The following MAP4K4 variants were observed in gnomAD, a reference collection of about 807,000 sequenced individuals.
The protein encoded by MAP4K4 is HPK/GCK-like kinase HGK.
Under a neutral mutation model 189.6 loss-of-function variants are expected in MAP4K4, and 38 were observed. That is an observed-to-expected ratio of 0.20 (90% CI 0.15 to 0.26). MAP4K4 has a LOEUF of 0.26. MAP4K4 is among the 10% of genes least tolerant of loss of function. The probability of loss-of-function intolerance (pLI) is 1.00; values close to 1 mark genes in which losing one functional copy is unlikely to be tolerated. For missense variants in MAP4K4, 1,054 were observed against 1,726.9 expected (o/e 0.61, Z 6.91); for synonymous variants, 610 against 624.3 (o/e 0.98, Z 0.34).
chr2:101,777,729 TTA>T (rs1215708768), intron 2 of MAP4K4, among the ~76,000 whole-genome samples: 4 of 152,192 alleles, frequency 2.6e-5, no homozygotes, highest in African/African-American at 9.7e-5. Context: ...TTGATTTTGC[TTA>T]TATACCCCTT....
intron 28 of MAP4K4, among the ~76,000 whole-genome samples, chr2:101,884,071 G>A (rs374732053): frequency 6.6e-6 from 1 of 152,126 alleles, no homozygotes; most frequent in Non-Finnish European, 1.5e-5. Context: ...AAGTCTGTTG[G>A]GCTTTTCCCC....
intron 3 of MAP4K4, among the ~76,000 whole-genome samples, chr2:101,800,573 TAGAGA>T (rs753456385): frequency 5.3e-5 from 8 of 152,340 alleles, no homozygotes; most frequent in African/African-American, 1.2e-4. Flanking sequence ...AAAAAAGGAA[TAGAGA>T]AAAGTATCAT....
intron 15 of MAP4K4, chr2:101,860,333 A>G (rs950021964): frequency 2.9e-5 from 6 of 208,788 alleles, no homozygotes; most frequent in Non-Finnish European, 5.9e-5. Flanking sequence ...GGGGTGCAAG[A>G]TGGGCGACAG....
intron 21 of MAP4K4, among the ~76,000 whole-genome samples, chr2:101,869,280 A>G (rs2097911431): frequency 6.6e-6 from 1 of 152,070 alleles, no homozygotes. Context: ...GAGTCTGTGT[A>G]TATACATTTG....
chr2:101,805,788 T>C (rs2094869358), intron 3 of MAP4K4, among the ~76,000 whole-genome samples: 1 of 152,228 alleles, frequency 6.6e-6, no homozygotes, highest in African/African-American at 2.4e-5. Flanking sequence ...GCTATCTTTG[T>C]TGGCTTACAC....
chr2:101,813,321 A>G (rs2095542569), intron 3 of MAP4K4, among the ~76,000 whole-genome samples: 1 of 152,158 alleles, frequency 6.6e-6, no homozygotes, highest in Non-Finnish European at 1.5e-5. Flanking sequence ...CAGTAGTAAT[A>G]TGTATTGTGT....
chr2:101,859,093 G>T lies in MAP4K4; in HGVS notation c.1482+11G>T. On this transcript the variant is annotated intron_variant, in intron 14 of 32. Transcript: ENST00000324219. ...CAGGCCATGTTACTGGTAAAGCCCC[G>T]CCTCTGTTTCATTCTGTAGCATCAG... The T allele has an allele frequency of 1.2e-6, 2 of 1,607,306 alleles. No homozygotes were observed. Among genetic ancestry groups the T allele is most frequent in the Non-Finnish European group, 1.7e-6 (2 of 1,175,516 alleles).
intron 2 of MAP4K4, among the ~76,000 whole-genome samples, chr2:101,748,642 C>T (rs956338454): frequency 5.3e-5 from 8 of 152,048 alleles, no homozygotes; most frequent in Non-Finnish European, 7.4e-5. Flanking sequence ...AACCCCATCT[C>T]TACAAAAATA....
At chr2:101,830,934 G>A (rs144685696) in intron 6 of MAP4K4, among the ~76,000 whole-genome samples, 5 of 152,312 alleles carry the variant, frequency 3.3e-5, no homozygotes, top group African/African-American at 7.2e-5. Flanking sequence ...TTTTCTGAGC[G>A]TGTTCTGTGC....
At chr2:101,812,414 C>T (rs113604113) in intron 3 of MAP4K4, among the ~76,000 whole-genome samples, 29 of 152,304 alleles carry the variant, frequency 1.9e-4, no homozygotes, top group African/African-American at 6.3e-4. Context: ...TCATGTCTTT[C>T]GTTCAGCCAC....
exon 19 of MAP4K4, chr2:101,866,570 A>G (rs765920465): frequency 4.4e-5 from 71 of 1,612,882 alleles, no homozygotes; most frequent in Non-Finnish European, 5.7e-5. Context: ...GGAACGCTTC[A>G]GAGTGAGATG....
At chr2:101,874,479 A>G (rs1484126748) in intron 26 of MAP4K4, among the ~76,000 whole-genome samples, 2 of 152,112 alleles carry the variant, frequency 1.3e-5, no homozygotes, top group East Asian at 1.9e-4. Flanking sequence ...TCTCCATTTT[A>G]TTTTTATTAA....
At chr2:101,822,092 G>A (rs1439526189) in intron 3 of MAP4K4, among the ~76,000 whole-genome samples, 1 of 152,126 alleles carries the variant, frequency 6.6e-6, no homozygotes, top group East Asian at 1.9e-4. Flanking sequence ...TGAAGGATCT[G>A]CCTGAGGCTA....
intron 29 of MAP4K4, among the ~76,000 whole-genome samples, chr2:101,886,414 A>G (rs2098482731): frequency 6.6e-6 from 1 of 152,202 alleles, no homozygotes; most frequent in South Asian, 2.1e-4. Flanking sequence ...ATAGTGATAC[A>G]ATTTTCAGTG....
At chr2:101,817,618 A>AGG (rs1297314278) in intron 3 of MAP4K4, among the ~76,000 whole-genome samples, 5 of 152,146 alleles carry the variant, frequency 3.3e-5, no homozygotes, top group Admixed American at 3.3e-4. Context: ...TAGAAGATGG[A>AGG]GGGGATCCAG....
chr2:101,735,381 A>G (rs2059950278), intron 2 of MAP4K4, among the ~76,000 whole-genome samples: 1 of 152,192 alleles, frequency 6.6e-6, no homozygotes, highest in African/African-American at 2.4e-5. Context: ...AGAGGGCCAA[A>G]GGTCTTTATT....
At chr2:101,829,862 T>G (rs1302957313) in intron 6 of MAP4K4, 1 of 315,176 alleles carries the variant, frequency 3.2e-6, no homozygotes, top group East Asian at 5.8e-5. Flanking sequence ...TTAAAGAACC[T>G]TAATGGCTTC....
At chr2:101,813,964 T>C (rs1011966255) in intron 3 of MAP4K4, among the ~76,000 whole-genome samples, 3 of 152,250 alleles carry the variant, frequency 2.0e-5, no homozygotes, top group Admixed American at 6.5e-5. Flanking sequence ...TTGATATCTT[T>C]CTAAGAAGTA....
intron 12 of MAP4K4, among the ~76,000 whole-genome samples, chr2:101,848,963 T>C (rs1185324598): frequency 6.6e-6 from 1 of 152,196 alleles, no homozygotes; most frequent in Admixed American, 6.5e-5. Context: ...GCCGAGTTCG[T>C]ACTGAGAGTC....
Sources: gnomAD v4.1 joint callset for allele counts (sites outside exome capture counted in the v4.1 genomes callset) on GRCh38, gnomAD v4.1.1 for gene constraint, MANE v1.5 for transcripts, NCBI Gene and HGNC (gene_info 2026-07-23, HGNC 2026-07-21) for gene names.